The following NRXN1 variants were observed in gnomAD, a reference collection of about 807,000 sequenced individuals.
The protein encoded by NRXN1 is neurexin 1.
A neutral mutation model predicts 150.9 loss-of-function variants in NRXN1; 39 were observed. The observed-to-expected ratio is 0.26, with a 90% CI of 0.20 to 0.34. The LOEUF (loss-of-function observed/expected upper bound fraction) is 0.34, where lower values mean the gene tolerates loss of function less well. NRXN1 is among the 10% of genes least tolerant of loss of function. The probability of loss-of-function intolerance (pLI) is 1.00; values close to 1 mark genes in which losing one functional copy is unlikely to be tolerated. For synonymous variants in NRXN1, 924 were observed against 757.0 expected (o/e 1.22, Z -3.62); for missense variants, 1,815 against 1,949.9 (o/e 0.93, Z 1.30).
chr2:50,048,206 C>T (rs551811433), intron 21 of NRXN1, among the ~76,000 whole-genome samples: 138 of 152,106 alleles, frequency 9.1e-4, no homozygotes, highest in African/African-American at 3.2e-3. Flanking sequence ...GAGAACATGC[C>T]TTTGTATATA....
At chr2:50,940,648 C>T (rs1689291122) in intron 2 of NRXN1, among the ~76,000 whole-genome samples, 1 of 152,020 alleles carries the variant, frequency 6.6e-6, no homozygotes, top group Non-Finnish European at 1.5e-5. Context: ...GTTGCATACT[C>T]CTTACTTAAG....
intron 18 of NRXN1, among the ~76,000 whole-genome samples, chr2:50,148,357 T>G (rs2058488054): frequency 6.6e-6 from 1 of 151,498 alleles, no homozygotes; most frequent in South Asian, 2.1e-4. Context: ...CTTCATGAAG[T>G]CTCTATAAGG....
chr2:50,266,536 T>TACAC (rs67570666), intron 17 of NRXN1, among the ~76,000 whole-genome samples: 1,917 of 112,732 alleles, frequency 0.017, 39 homozygotes, highest in African/African-American at 0.049. Flanking sequence ...TGTATATAAA[T>TACAC]ACACACACAC....
intron 17 of NRXN1, among the ~76,000 whole-genome samples, chr2:50,277,050 T>C (rs1056065398): frequency 2.6e-5 from 4 of 152,118 alleles, no homozygotes; most frequent in African/African-American, 9.7e-5. Flanking sequence ...TTAACACAGT[T>C]AGCTACACTA....
chr2:50,486,559 G>T lies in NRXN1; in HGVS notation c.3070+9346C>A, dbSNP rs1040777273. ...AGAGAAAGAATGGTACACTAGTACA[G>T]GCCCTTATAGTGTTTGAATTCTTTT... On this transcript the variant is annotated intron_variant, in intron 15 of 22. Transcript: ENST00000401669. 3.9e-5 allele frequency among the ~76,000 whole-genome samples: 6 copies of T among 152,276 alleles called. No individual in the cohort carries two copies. In the East Asian group the frequency reaches 1.2e-3, roughly 29 times the overall value.
At chr2:50,036,885 C>T (rs1309337262) in intron 21 of NRXN1, among the ~76,000 whole-genome samples, 1 of 152,142 alleles carries the variant, frequency 6.6e-6, no homozygotes. Context: ...AAGCTGATCA[C>T]CAACATATGA....
chr2:50,031,826 T>C (rs1257409242), intron 21 of NRXN1, among the ~76,000 whole-genome samples: 3 of 152,062 alleles, frequency 2.0e-5, no homozygotes, highest in Non-Finnish European at 2.9e-5. Context: ...AAGATAAATC[T>C]AGTTCTCAGC....
chr2:50,070,715 A>G (rs1260327879), intron 19 of NRXN1, among the ~76,000 whole-genome samples: 1 of 144,728 alleles, frequency 6.9e-6, no homozygotes, highest in Non-Finnish European at 1.5e-5. Context: ...GCTTGCAGTG[A>G]GCCGAGATCC....
At chr2:50,552,280 G>C (rs1431221951) in intron 9 of NRXN1, among the ~76,000 whole-genome samples, 1 of 151,970 alleles carries the variant, frequency 6.6e-6, no homozygotes, top group Non-Finnish European at 1.5e-5. Context: ...GAAAAACTTT[G>C]AATTTTTTCA....
At chr2:50,246,862 T>C (rs1353282760) in intron 17 of NRXN1, among the ~76,000 whole-genome samples, 1 of 152,096 alleles carries the variant, frequency 6.6e-6, no homozygotes, top group Non-Finnish European at 1.5e-5. Context: ...TATTGAAATA[T>C]CCATTTTAAA....
chr2:50,151,747 G>A (rs1372143836), intron 18 of NRXN1, among the ~76,000 whole-genome samples: 2 of 151,690 alleles, frequency 1.3e-5, no homozygotes, highest in Non-Finnish European at 2.9e-5. Context: ...AAGTTGGATT[G>A]TGGCAATGGT....
At chr2:50,428,856 G>A (rs2084718094) in intron 17 of NRXN1, among the ~76,000 whole-genome samples, 1 of 152,064 alleles carries the variant, frequency 6.6e-6, no homozygotes, top group African/African-American at 2.4e-5. Context: ...AATAGAAGAG[G>A]AAAAATAACT....
chr2:50,417,468 A>C (rs2083626400), intron 17 of NRXN1, among the ~76,000 whole-genome samples: 1 of 152,032 alleles, frequency 6.6e-6, no homozygotes, highest in Non-Finnish European at 1.5e-5. Context: ...GAAGCCATCC[A>C]TGATTTTTGA....
chr2:50,681,669 G>A (rs1356558557), intron 5 of NRXN1, among the ~76,000 whole-genome samples: 2 of 152,152 alleles, frequency 1.3e-5, no homozygotes, highest in Admixed American at 6.6e-5. Flanking sequence ...CCAAGGTCTA[G>A]TAACCCACAA....
At chr2:50,465,161 T>C (rs2088685119) in intron 17 of NRXN1, among the ~76,000 whole-genome samples, 3 of 151,950 alleles carry the variant, frequency 2.0e-5, no homozygotes, top group East Asian at 1.9e-4. Context: ...AGAATTGTCA[T>C]ATATTGGAAA....
chr2:50,203,753 C>T (rs188226066), intron 18 of NRXN1, among the ~76,000 whole-genome samples: 1,698 of 152,178 alleles, frequency 0.011, 40 homozygotes, highest in African/African-American at 0.039. Flanking sequence ...ATTATATTTT[C>T]GAAATGGCAT....
intron 19 of NRXN1, among the ~76,000 whole-genome samples, chr2:50,086,891 G>C (rs923461868): frequency 2.0e-5 from 3 of 151,710 alleles, no homozygotes; most frequent in African/African-American, 7.3e-5. Flanking sequence ...CTATTAAGTT[G>C]TTCATTAGCT....
intron 19 of NRXN1, among the ~76,000 whole-genome samples, chr2:50,081,053 A>G (rs2152683959): frequency 6.6e-6 from 1 of 152,284 alleles, no homozygotes; most frequent in Non-Finnish European, 1.5e-5. Context: ...ATAGATGTGT[A>G]TTTTTCTAAA....
chr2:50,394,588 G>A (rs1572812125), intron 17 of NRXN1, among the ~76,000 whole-genome samples: 1 of 152,094 alleles, frequency 6.6e-6, no homozygotes, highest in South Asian at 2.1e-4. Context: ...CTAAATCTAA[G>A]CCACCACTGT....
Sources: allele counts gnomAD v4.1 joint callset (sites outside exome capture counted in the v4.1 genomes callset), GRCh38; gene constraint gnomAD v4.1.1; transcripts MANE v1.5; gene names NCBI Gene and HGNC (gene_info 2026-07-23, HGNC 2026-07-21).